The following ANO1 variants were observed in gnomAD, a reference collection of about 807,000 sequenced individuals.
ANO1 encodes anoctamin 1, also known as anoctamin-1.
Under a neutral mutation model 124.0 loss-of-function variants are expected in ANO1, and 59 were observed. The observed-to-expected ratio is 0.48, with a 90% CI of 0.39 to 0.59. ANO1 has a LOEUF of 0.59. Among genes scored for constraint, ANO1 ranks in the 20% least tolerant of loss-of-function variants. ANO1 has a pLI of 0.00. For synonymous variants in ANO1, 529 were observed against 532.0 expected (o/e 0.99, Z 0.08); for missense variants, 1,059 against 1,328.0 (o/e 0.80, Z 3.15).
chr11:70,076,717 G>C (rs2044062723), upstream of ANO1, among the ~76,000 whole-genome samples: 1 of 152,208 alleles, frequency 6.6e-6, no homozygotes, highest in African/African-American at 2.4e-5. Flanking sequence ...CCAAGGTGCA[G>C]ACAAAGGGTC....
intron 10 of ANO1, among the ~76,000 whole-genome samples, chr11:70,129,915 C>CT (rs1216941537): frequency 7.9e-5 from 12 of 152,212 alleles, no homozygotes; most frequent in Non-Finnish European, 1.6e-4. Context: ...GCCACCGTGC[C>CT]TGGCCCTACA....
intron 23 of ANO1, among the ~76,000 whole-genome samples, chr11:70,180,763 TTC>T (rs2048899891): frequency 6.6e-6 from 1 of 152,154 alleles, no homozygotes; most frequent in African/African-American, 2.4e-5. Context: ...AATCTTTCTG[TTC>T]TCTTATTTAA....
chr11:70,113,354 G>A (rs1358697177), intron 7 of ANO1, among the ~76,000 whole-genome samples: 1 of 152,132 alleles, frequency 6.6e-6, no homozygotes, highest in Non-Finnish European at 1.5e-5. Flanking sequence ...GGATTGAGTC[G>A]GTTTGCCTCG....
At chr11:70,032,585 T>G (rs1591046926) in intron 1 of ANO1, among the ~76,000 whole-genome samples, 7 of 148,280 alleles carry the variant, frequency 4.7e-5, no homozygotes, top group African/African-American at 1.0e-4. Flanking sequence ...TGTGAAGGGG[T>G]GGGCAAGGGA....
chr11:70,021,562 G>T (rs1555002629), intron 1 of ANO1, among the ~76,000 whole-genome samples: 4 of 151,992 alleles, frequency 2.6e-5, no homozygotes, highest in Non-Finnish European at 1.5e-5. Context: ...TGAGGACGTG[G>T]TTCCCATTGT....
chr11:70,127,833 G>A (rs890823972), intron 10 of ANO1, among the ~76,000 whole-genome samples: 3 of 152,252 alleles, frequency 2.0e-5, no homozygotes, highest in African/African-American at 7.2e-5. Flanking sequence ...CTCTGGCAGG[G>A]TTTCTATGCC....
At chr11:70,054,040 T>A (rs1355844231) in intron 1 of ANO1, among the ~76,000 whole-genome samples, 2 of 152,242 alleles carry the variant, frequency 1.3e-5, no homozygotes, top group Admixed American at 6.5e-5. Context: ...TTCTCTTTCT[T>A]GTTATCTATC....
At chr11:70,020,491 A>C (rs1856782752) in intron 1 of ANO1, among the ~76,000 whole-genome samples, 1 of 152,172 alleles carries the variant, frequency 6.6e-6, no homozygotes, top group African/African-American at 2.4e-5. Context: ...CCTTGGCAGG[A>C]GGAGGAAAAG....
At chr11:70,059,541 G>C (rs11232207) in intron 1 of ANO1, among the ~76,000 whole-genome samples, 1 of 151,912 alleles carries the variant, frequency 6.6e-6, no homozygotes, top group Non-Finnish European at 1.5e-5. Flanking sequence ...ACGGACACGG[G>C]GCATATGAGT....
intron 15 of ANO1, 57 bp from the exon 16 acceptor site, chr11:70,156,890 C>T (rs1012882479): frequency 1.3e-6 from 2 of 1,522,162 alleles, no homozygotes; most frequent in African/African-American, 2.7e-5. Flanking sequence ...CGCTGACACA[C>T]AGAGATGTCT....
the ANO1 span, among the ~76,000 whole-genome samples, chr11:69,976,254 A>T: frequency 6.6e-6 from 1 of 152,168 alleles, no homozygotes; most frequent in Non-Finnish European, 1.5e-5. Context: ...TCACGCCTGT[A>T]ATCCCAGCAC....
chr11:70,049,275 C>T (rs1440989060), intron 1 of ANO1, among the ~76,000 whole-genome samples: 2 of 152,168 alleles, frequency 1.3e-5, no homozygotes, highest in Non-Finnish European at 2.9e-5. Flanking sequence ...GTCATATGGC[C>T]AGCCGCTCTG....
chr11:70,134,146 GC>G (rs1400283034), intron 11 of ANO1, among the ~76,000 whole-genome samples: 1 of 152,230 alleles, frequency 6.6e-6, no homozygotes, highest in Non-Finnish European at 1.5e-5. Context: ...CCTCGCTGCA[GC>G]CCCACCCGCT....
rs1229986009 is a variant in ANO1, at chr11:70,095,428, AAAGAAAAG to A, written c.441+7347_441+7354del. 3.1e-3 allele frequency among the ~76,000 whole-genome samples: 11 copies of A among 3,584 alleles called. No individual in the cohort carries two copies. In the South Asian group the frequency reaches 0.037, roughly 12 times the overall value. The allele number at this position is 3,584 out of a possible 152,430, so 2.4% of individuals were successfully genotyped here. ...AAAGAAAGAAAGAAAGAAAGAAAGAAAAGAAAAGAAAGAAAGAGGGAAAGAAAATTCAT... is the reference window on the plus strand; with the variant it reads ...AAAGAAAGAAAGAAAGAAAGAAAGAAAAAGAAAGAGGGAAAGAAAATTCAT... On this transcript the variant is annotated intron_variant, in intron 2 of 25. Coordinates refer to ENST00000355303, the MANE Select transcript of ANO1 (RefSeq NM_018043.7).
rs988858538 is a variant in ANO1 at position 70,170,805 on chromosome 11, G to A, written c.2198-82G>A. 2.9e-5 allele frequency: 44 copies of A among 1,517,000 alleles called. 1 individual carries two copies. The South Asian group carries it at 3.8e-4, about 13-fold the overall frequency. The allele number at this position is 1,517,000 out of a possible 1,614,324, so 94.0% of individuals were successfully genotyped here. A position where few individuals can be genotyped will look rare whatever the true frequency, so the allele number is the denominator to read the frequency against. ...GGTGGGGCGGCAGCCAGACCTGTGC[G>A]GCTCGGCACACGGGGTGGTGGAGTC... is the stretch of plus-strand genomic sequence containing the variant. On this transcript the variant is annotated intron_variant, in intron 21 of 25. Transcript: ENST00000355303.
Position 70,010,164 on chromosome 11 carries a change from T to TGCGCGC in ANO1, c.58+24003_58+24004insCGCGCG, listed in dbSNP as rs143133261. ...GTGTGTGTGTGTGTGTGTGTGTGTG[T>TGCGCGC]GCGCGTGTGTGTGTGTATATATATA... On this transcript the variant is annotated intron_variant, in intron 1 of 27. Transcript: ENST00000531349. Among the ~76,000 whole-genome samples the TGCGCGC allele has an allele frequency of 5.7e-4, 35 of 61,338 alleles. 1 individual carries two copies. Among genetic ancestry groups the TGCGCGC allele is most frequent in the Middle Eastern group, 7.6e-3 (1 of 132 alleles). 40.2% of individuals were successfully genotyped at this position (61,338 alleles called of 152,430 possible).
At chr11:70,086,467 G>T (rs1187247567) in intron 1 of ANO1, among the ~76,000 whole-genome samples, 2 of 152,188 alleles carry the variant, frequency 1.3e-5, no homozygotes, top group East Asian at 1.9e-4. Context: ...GGCAGGCCCT[G>T]TTGGAGCCCT....
At chr11:70,110,184 CTT>C (rs923690897) in intron 6 of ANO1, among the ~76,000 whole-genome samples, 7 of 118,064 alleles carry the variant, frequency 5.9e-5, no homozygotes, top group African/African-American at 6.3e-5. Context: ...TGTTCACTTT[CTT>C]TTTTTTTTTT....
intron 2 of ANO1, among the ~76,000 whole-genome samples, chr11:70,094,794 C>A (rs2044774216): frequency 6.6e-6 from 1 of 152,222 alleles, no homozygotes; most frequent in Non-Finnish European, 1.5e-5. Context: ...CTTCTTTGGT[C>A]CCTAAAGATT....
Sources: gnomAD v4.1 joint callset for allele counts (sites outside exome capture counted in the v4.1 genomes callset) on GRCh38, gnomAD v4.1.1 for gene constraint, MANE v1.5 for transcripts, NCBI Gene and HGNC (gene_info 2026-07-23, HGNC 2026-07-21) for gene names.